The following NIPBL variants were observed in gnomAD, a reference collection of about 807,000 sequenced individuals.
NIPBL encodes the protein nipped-B-like protein.
NIPBL carries 19 observed loss-of-function variants against 321.8 expected under a neutral mutation model. The ratio of observed to expected loss-of-function variants is 0.06; its 90% CI spans 0.04 to 0.09. NIPBL has a LOEUF of 0.09. NIPBL is among the 10% of genes least tolerant of loss of function. The probability of loss-of-function intolerance (pLI) is 1.00; values close to 1 mark genes in which losing one functional copy is unlikely to be tolerated. For missense variants in NIPBL, 2,210 were observed against 3,327.0 expected, an observed-to-expected ratio of 0.66 and a Z score of 8.26; for synonymous variants, 1,106 against 1,114.1, an observed-to-expected ratio of 0.99 and a Z score of 0.14.
rs1750050155 is a variant in NIPBL, at chr5:37,024,596, C to G, written c.5586C>G (p.Ile1862Met). ...MLIERILDTGISVRKRVIKIL... is the reference protein window; with the variant it reads ...MLIERILDTGMSVRKRVIKIL... ...CTTTCTGTTTTTAGGATACTGGTAT[C>G]AGTGTCAGGAAAAGAGTAATAAAGA... is the stretch of plus-strand genomic sequence containing the variant. Residue 1862 changes from isoleucine (I) to methionine (M), a missense_variant, in exon 30 of 47, where the codon ATC becomes ATG. Transcript: ENST00000282516. The G allele has an allele frequency of 6.2e-7, 1 of 1,602,652 alleles. No individual in the cohort carries two copies. The highest frequency in any genetic ancestry group is 1.3e-5 in the African/African-American group (1 of 74,694).
At chr5:36,879,290 CT>C (rs1423583628) in intron 1 of NIPBL, among the ~76,000 whole-genome samples, 1 of 151,912 alleles carries the variant, frequency 6.6e-6, no homozygotes, top group Non-Finnish European at 1.5e-5. Context: ...GTGATTGATT[CT>C]TTTTTTTCCT....
At chr5:37,009,201 A>T (rs1301421425) in intron 20 of NIPBL, among the ~76,000 whole-genome samples, 2 of 152,190 alleles carry the variant, frequency 1.3e-5, no homozygotes, top group African/African-American at 4.8e-5. Context: ...TAATCAGATC[A>T]GTTCAAAGAG....
chr5:37,014,244 A>AGGAGAG (rs1248964864), intron 21 of NIPBL, among the ~76,000 whole-genome samples: 1 of 142,734 alleles, frequency 7.0e-6, no homozygotes, highest in Non-Finnish European at 1.6e-5. Flanking sequence ...GAGAGGGAGA[A>AGGAGAG]GGAGAGGGAG....
chr5:36,891,776 A>C (rs1478154310), intron 1 of NIPBL, among the ~76,000 whole-genome samples: 1 of 152,192 alleles, frequency 6.6e-6, no homozygotes, highest in Non-Finnish European at 1.5e-5. Flanking sequence ...TAGGCAGGAA[A>C]AGGGAGGCTC....
chr5:36,976,378 T>C lies in NIPBL; in HGVS notation c.1471T>C (p.Phe491Leu). The stretch of plus-strand genomic sequence containing the variant: ...AGAATCAGCTATTGAAAGGGAGCGC[T>C]TCTCAAAAGAAGTTCAAGATAAAGG... The part of the protein sequence containing the change: ...ERESAIERER[F>L]SKEVQDKDKP... The change falls in exon 9 of 47, where the codon TTC becomes CTC. Residue 491 changes from phenylalanine (F) to leucine (L), a missense_variant. Phe to Leu is a conservative substitution (Grantham distance 22). Coordinates refer to ENST00000282516, the MANE Select transcript of NIPBL (RefSeq NM_133433.4). 1 of 1,609,040 alleles carries C rather than the reference T, an allele frequency of 6.2e-7. No individual in the cohort carries two copies. The highest frequency in any genetic ancestry group is 8.5e-7 in the Non-Finnish European group (1 of 1,179,748).
chr5:36,991,211 T>C (rs755312005), intron 10 of NIPBL, among the ~76,000 whole-genome samples: 2 of 152,116 alleles, frequency 1.3e-5, no homozygotes, highest in Non-Finnish European at 1.5e-5. Flanking sequence ...AGAGAACTAA[T>C]ATCAAAACCC....
chr5:36,924,233 A>G (rs188104737), intron 1 of NIPBL, among the ~76,000 whole-genome samples: 6 of 152,338 alleles, frequency 3.9e-5, no homozygotes, highest in Non-Finnish European at 7.4e-5. Flanking sequence ...TATTATTGAA[A>G]TAAATTTAAA....
chr5:36,994,529 G>A (rs1745912273), intron 10 of NIPBL, among the ~76,000 whole-genome samples: 1 of 152,004 alleles, frequency 6.6e-6, no homozygotes, highest in African/African-American at 2.4e-5. Context: ...TCATTTGCAT[G>A]TTATAAAGGA....
chr5:36,933,177 A>T (rs1057068138), intron 1 of NIPBL, among the ~76,000 whole-genome samples: 2 of 152,108 alleles, frequency 1.3e-5, no homozygotes, highest in Non-Finnish European at 1.5e-5. Context: ...ACTGTTTTTT[A>T]AAAATGTACT....
chr5:37,041,100 TC>T (rs1277959979), intron 34 of NIPBL, among the ~76,000 whole-genome samples: 1 of 151,834 alleles, frequency 6.6e-6, no homozygotes, highest in Non-Finnish European at 1.5e-5. Flanking sequence ...AAATATTTTT[TC>T]CTATTCTGTT....
intron 24 of NIPBL, 73 bp from the exon 25 acceptor site, chr5:37,019,238 G>T: frequency 1.0e-6 from 1 of 956,918 alleles, no homozygotes; most frequent in Non-Finnish European, 1.7e-6. Flanking sequence ...CTTCAGATTT[G>T]TGTTTACAAT....
At chr5:36,890,866 T>C (rs1253341703) in intron 1 of NIPBL, among the ~76,000 whole-genome samples, 2 of 152,234 alleles carry the variant, frequency 1.3e-5, no homozygotes, top group African/African-American at 4.8e-5. Context: ...ATACCCAGTG[T>C]GATGTGAACA....
chr5:37,004,659 G>A (rs1170375265), intron 16 of NIPBL, among the ~76,000 whole-genome samples: 2 of 152,018 alleles, frequency 1.3e-5, no homozygotes, highest in African/African-American at 4.8e-5. Flanking sequence ...CTCCTGCCTT[G>A]TCCTCCCAAA....
Position 37,061,047 on chromosome 5 carries a change from T to G in NIPBL, c.7860+29T>G, listed in dbSNP as rs765293271. On this transcript the variant is annotated intron_variant, in intron 45 of 46. Coordinates refer to ENST00000282516, the MANE Select transcript of NIPBL (RefSeq NM_133433.4). ...AGTAGTAAAACCAAAAGTTTTTACTTCTCATAAGGGCTTTTTTGACAAGTA... is the reference window on the plus strand; with the variant it reads ...AGTAGTAAAACCAAAAGTTTTTACTGCTCATAAGGGCTTTTTTGACAAGTA... The G allele has an allele frequency of 7.6e-6, 12 of 1,585,098 alleles. No individual in the cohort carries two copies. The Admixed American group carries it at 1.8e-4, about 24-fold the overall frequency.
At chr5:36,953,568 A>C in intron 1 of NIPBL, 50 bp from the exon 2 acceptor site, 2 of 803,762 alleles carry the variant, frequency 2.5e-6, no homozygotes, top group Non-Finnish European at 4.4e-6. Context: ...TCCTGATAGT[A>C]ATATATCTGA....
At chr5:36,957,576 T>C (rs77811652) in intron 3 of NIPBL, among the ~76,000 whole-genome samples, 13 of 152,210 alleles carry the variant, frequency 8.5e-5, no homozygotes, top group African/African-American at 3.1e-4. Flanking sequence ...TGTTTTGGGC[T>C]TTTTTTCTCT....
chr5:37,054,167 G>GCCT (rs1753848249), intron 42 of NIPBL, among the ~76,000 whole-genome samples: 1 of 146,752 alleles, frequency 6.8e-6, no homozygotes, highest in Non-Finnish European at 1.5e-5. Context: ...CTGCATTCCA[G>GCCT]CCTGGCCGAC....
At chr5:36,949,579 A>G (rs1274170757) in intron 1 of NIPBL, among the ~76,000 whole-genome samples, 1 of 151,958 alleles carries the variant, frequency 6.6e-6, no homozygotes, top group African/African-American at 2.4e-5. Context: ...CACTAAAAGT[A>G]AAAATATTGT....
rs70976262 is a variant in NIPBL at position 36,881,296 on chromosome 5, A to ATTT, written c.-80+4128_-80+4130dup. 1.2e-3 allele frequency among the ~76,000 whole-genome samples: 183 copies of ATTT among 146,848 alleles called. 1 individual carries two copies. The highest frequency in any genetic ancestry group is 4.5e-3 in the South Asian group (21 of 4,668). On this transcript the variant is annotated intron_variant, in intron 1 of 46. Transcript: ENST00000282516. ...ATTTTAGGTATTTGTCTTGTGTGTA[A>ATTT]TTTTTTTTTTTTGGTGTAAATCTGG...
Sources: gnomAD v4.1 joint callset for allele counts (sites outside exome capture counted in the v4.1 genomes callset) on GRCh38, gnomAD v4.1.1 for gene constraint, MANE v1.5 for transcripts, NCBI Gene and HGNC (gene_info 2026-07-23, HGNC 2026-07-21) for gene names.